CCDC25: variants seen among roughly 807,000 people sequenced by gnomAD.
The protein encoded by CCDC25 is coiled-coil domain containing 25, also known as coiled-coil domain-containing protein 25.
CCDC25 carries 16 observed loss-of-function variants against 35.3 expected under a neutral mutation model. The ratio of observed to expected loss-of-function variants is 0.45; its 90% CI spans 0.31 to 0.69. The LOEUF (loss-of-function observed/expected upper bound fraction) is 0.69, where lower values mean the gene tolerates loss of function less well. Ranked by LOEUF, CCDC25 falls within the 30% of genes least tolerant of loss-of-function variation. The probability of loss-of-function intolerance (pLI) is 0.06; values close to 1 mark genes in which losing one functional copy is unlikely to be tolerated. For synonymous variants in CCDC25, 79 were observed against 80.3 expected, an observed-to-expected ratio of 0.98 and a Z score of 0.09; for missense variants, 179 against 250.7, an observed-to-expected ratio of 0.71 and a Z score of 1.93.
At chr8:27,738,385 G>C (rs964497536) in intron 8 of CCDC25, among the ~76,000 whole-genome samples, 1 of 152,146 alleles carries the variant, frequency 6.6e-6, no homozygotes, top group Non-Finnish European at 1.5e-5. Flanking sequence ...CACTGAAAGA[G>C]AGAATAAAAA....
chr8:27,743,677 T>C (rs751054028), intron 7 of CCDC25, among the ~76,000 whole-genome samples: 5 of 152,204 alleles, frequency 3.3e-5, no homozygotes, highest in Non-Finnish European at 5.9e-5. Context: ...GAGGATCACT[T>C]GAGCTCAGGG....
chr8:27,745,503 A>G (rs1426646453), intron 7 of CCDC25, among the ~76,000 whole-genome samples: 1 of 152,266 alleles, frequency 6.6e-6, no homozygotes, highest in Non-Finnish European at 1.5e-5. Context: ...AAGCCAAATA[A>G]AAGAATGCAA....
intron 7 of CCDC25, among the ~76,000 whole-genome samples, chr8:27,745,932 T>C (rs1012867957): frequency 6.6e-6 from 1 of 152,240 alleles, no homozygotes; most frequent in Non-Finnish European, 1.5e-5. Context: ...AGGAAAAATC[T>C]TATTCAATAA....
In CCDC25 at chr8:27,733,417, T is replaced by A. The variant is rs1803103516; in HGVS notation, c.*2799A>T. The A allele has an allele frequency of 1.3e-5, 2 of 152,240 alleles. No individual in the cohort carries two copies. Among genetic ancestry groups the A allele is most frequent in the South Asian group, 4.1e-4 (2 of 4,838 alleles). The allele number at this position is 152,240 out of a possible 1,614,324, so 9.4% of individuals were successfully genotyped here. On this transcript the variant is annotated 3_prime_UTR_variant, in exon 9 of 9. Coordinates refer to ENST00000356537, the MANE Select transcript of CCDC25 (RefSeq NM_018246.3). ...ATCATTTCCCTTTTGAATGACAGAATGTGCATAAAAGTCTCTTGCCCACGC... is the reference window on the plus strand; with the variant it reads ...ATCATTTCCCTTTTGAATGACAGAAAGTGCATAAAAGTCTCTTGCCCACGC...
chr8:27,747,789 T>C (rs1803654230), intron 7 of CCDC25: 1 of 368,648 alleles, frequency 2.7e-6, no homozygotes, highest in South Asian at 3.7e-5. Context: ...AGAAGAACTT[T>C]ACAAACCAAA....
intron 1 of CCDC25, among the ~76,000 whole-genome samples, chr8:27,768,325 G>A (rs1804471001): frequency 6.6e-6 from 1 of 152,148 alleles, no homozygotes; most frequent in Admixed American, 6.5e-5. Context: ...AACACTTTGG[G>A]AGGCTGAAGC....
At position 27,752,584 on chromosome 8, in the gene CCDC25, C is replaced by A; in HGVS notation, c.172G>T (p.Glu58Ter). ...TCCTTTGGGATGTCTTCTATATTCT[C>A]TCCCTGAAACACAAAAATAAACCAA... ...AHVYLRLHKG[E>*]NIEDIPKEVL... The change falls in exon 5 of 9, where the codon GAG becomes TAG. Residue 58 changes from glutamate (E) to a stop codon, truncating the protein, a stop_gained. Coordinates refer to ENST00000356537, the MANE Select transcript of CCDC25 (RefSeq NM_018246.3). LOFTEE classifies it high-confidence loss of function. 1.2e-6 allele frequency: 2 copies of A among 1,612,840 alleles called. No individual in the cohort carries two copies. Among genetic ancestry groups the A allele is most frequent in the South Asian group, 1.1e-5 (1 of 91,032 alleles).
At chr8:27,754,420 T>C (rs1051272061) in intron 4 of CCDC25, 2 of 152,214 alleles carry the variant, frequency 1.3e-5, no homozygotes, top group East Asian at 3.9e-4. Flanking sequence ...ATTACAAACA[T>C]AGGACATCAC....
In CCDC25 at chr8:27,737,884, T is replaced by TCTCA. The variant is rs1554547880; in HGVS notation, c.598-1640_598-1639insTGAG. On this transcript the variant is annotated intron_variant, in intron 8 of 8. Coordinates refer to ENST00000356537, the MANE Select transcript of CCDC25 (RefSeq NM_018246.3). The surrounding 1 kb of genome is among the most constrained non-coding windows in gnomAD (Gnocchi z 4.6). The stretch of plus-strand genomic sequence containing the variant: ...AACTGTGGTGTGTGTATACACACAC[T>TCTCA]CACACACACACACACACACACACAC... 1.3e-5 allele frequency among the ~76,000 whole-genome samples: 2 copies of TCTCA among 148,446 alleles called. No homozygotes were observed.
chr8:27,739,924 A>G (rs1480492511), intron 8 of CCDC25, among the ~76,000 whole-genome samples: 1 of 152,218 alleles, frequency 6.6e-6, no homozygotes, highest in Non-Finnish European at 1.5e-5. Flanking sequence ...TCAAATAATT[A>G]GACGCAATGT....
At position 27,742,728 on chromosome 8, in the gene CCDC25, G is replaced by A. The variant is rs368074737; in HGVS notation, c.552-2211C>T. On this transcript the variant is annotated intron_variant, in intron 7 of 8. Coordinates refer to ENST00000356537, the MANE Select transcript of CCDC25 (RefSeq NM_018246.3). Reference sequence around the variant, plus strand: ...GAAAATATACAAAAATTAGCCAGGCGTGGTTGTGCATGCCTGTAATTTCAG... The same window carrying A: ...GAAAATATACAAAAATTAGCCAGGCATGGTTGTGCATGCCTGTAATTTCAG... Among the ~76,000 whole-genome samples the A allele has an allele frequency of 2.7e-4, 41 of 152,132 alleles. 1 individual carries two copies. The highest frequency in any genetic ancestry group is 1.4e-3 in the East Asian group (7 of 5,184).
chr8:27,736,158 G>A lies in CCDC25; in HGVS notation c.*58C>T, dbSNP rs1280024221. ...TTTCAGAACACAGATGAAACCAAAAGGTCTGCAATTGTCTCTACATTCACA... is the reference window on the plus strand; with the variant it reads ...TTTCAGAACACAGATGAAACCAAAAAGTCTGCAATTGTCTCTACATTCACA... On this transcript the variant is annotated 3_prime_UTR_variant, in exon 9 of 9. Transcript: ENST00000356537. 8.4e-6 allele frequency: 13 copies of A among 1,545,330 alleles called. No individual in the cohort carries two copies. Among genetic ancestry groups the A allele is most frequent in the Non-Finnish European group, 1.1e-5 (12 of 1,135,186 alleles).
chr8:27,759,392 A>C (rs1046607174), intron 3 of CCDC25, among the ~76,000 whole-genome samples: 4 of 152,160 alleles, frequency 2.6e-5, no homozygotes, highest in African/African-American at 9.7e-5. Flanking sequence ...GGATCACTTC[A>C]GGTCAGGGGT....
intron 3 of CCDC25, among the ~76,000 whole-genome samples, chr8:27,758,395 C>T (rs1804091933): frequency 6.6e-6 from 1 of 152,202 alleles, no homozygotes; most frequent in African/African-American, 2.4e-5. Context: ...GCACTTTTGG[C>T]ACACAGTTTA....
At chr8:27,764,649 T>C in intron 2 of CCDC25, 1 of 211,240 alleles carries the variant, frequency 4.7e-6, no homozygotes, top group South Asian at 5.4e-5. Flanking sequence ...AAAAATATCA[T>C]CTAAATTTAT....
At chr8:27,761,619 G>C (rs1461604224) in intron 3 of CCDC25, among the ~76,000 whole-genome samples, 1 of 152,170 alleles carries the variant, frequency 6.6e-6, no homozygotes, top group Admixed American at 6.5e-5. Flanking sequence ...CCATAGGCAG[G>C]ACTGTGCTCT....
chr8:27,749,089 T>C (rs1243414804), intron 5 of CCDC25, among the ~76,000 whole-genome samples: 1 of 152,194 alleles, frequency 6.6e-6, no homozygotes, highest in African/African-American at 2.4e-5. Context: ...GAAATTGGAC[T>C]AGTTTAATAG....
At chr8:27,759,688 G>A (rs1207570121) in intron 3 of CCDC25, among the ~76,000 whole-genome samples, 1 of 147,656 alleles carries the variant, frequency 6.8e-6, no homozygotes, top group African/African-American at 2.5e-5. Context: ...GCTGAGGCAG[G>A]AGAATAGCTT....
chr8:27,753,802 C>T (rs1251249332), intron 4 of CCDC25, among the ~76,000 whole-genome samples: 1 of 152,170 alleles, frequency 6.6e-6, no homozygotes, highest in Non-Finnish European at 1.5e-5. Context: ...AATTTTGCTC[C>T]AGCACAGACT....
Sources: gnomAD v4.1 joint callset for allele counts (sites outside exome capture counted in the v4.1 genomes callset) on GRCh38, gnomAD v4.1.1 for gene constraint, Gnocchi (gnomAD v3.1) non-coding constraint, MANE v1.5 for transcripts, NCBI Gene and HGNC (gene_info 2026-07-23, HGNC 2026-07-21) for gene names.